Variants in TWIST2 observed in about 807,000 individuals in gnomAD.
TWIST2 encodes twist family bHLH transcription factor 2, also known as twist-related protein 2.
TWIST2 carries 1 observed loss-of-function variant against 11.6 expected under a neutral mutation model. That is an observed-to-expected ratio of 0.09 (90% CI 0.03 to 0.41). The LOEUF (loss-of-function observed/expected upper bound fraction) is 0.41. TWIST2 is among the 10% of genes least tolerant of loss of function. TWIST2 has a pLI of 0.98. For synonymous variants in TWIST2, 87 were observed against 96.6 expected, an observed-to-expected ratio of 0.90 and a Z score of 0.58; for missense variants, 168 against 226.4, an observed-to-expected ratio of 0.74 and a Z score of 1.66.
At chr2:238,850,713 T>G (rs922440478) in intron 1 of TWIST2, among the ~76,000 whole-genome samples, 1 of 152,180 alleles carries the variant, frequency 6.6e-6, no homozygotes, top group Admixed American at 6.5e-5. Flanking sequence ...GCCAAGAGCT[T>G]GTTTGGAAAA....
At chr2:238,869,117 G>T (rs748367670) in intron 1 of TWIST2, among the ~76,000 whole-genome samples, 1 of 152,188 alleles carries the variant, frequency 6.6e-6, no homozygotes, top group Non-Finnish European at 1.5e-5. Context: ...GAAAGGCATC[G>T]ACTCCTGCAA....
At chr2:238,904,507 A>C (rs986714453) in intron 1 of TWIST2, among the ~76,000 whole-genome samples, 3 of 151,316 alleles carry the variant, frequency 2.0e-5, no homozygotes, top group African/African-American at 7.3e-5. Context: ...GTCTGACTAG[A>C]GATTTCACAT....
intron 1 of TWIST2, among the ~76,000 whole-genome samples, chr2:238,871,474 TC>T (rs1692700159): frequency 3.1e-5 from 1 of 32,390 alleles, no homozygotes. Context: ...ACACACCACA[TC>T]CCTCCCACAC....
intron 1 of TWIST2, among the ~76,000 whole-genome samples, chr2:238,891,528 G>C (rs1693132562): frequency 6.6e-6 from 1 of 152,226 alleles, no homozygotes; most frequent in African/African-American, 2.4e-5. Flanking sequence ...TTCCAGTGTA[G>C]GGGGAGCTGG....
At position 238,909,863 on chromosome 2, in the gene TWIST2, G is replaced by C. The variant is rs1693424676; in HGVS notation, c.*57G>C. Reference sequence around the variant, plus strand: ...CCAGGCTGTCCGTCGCGTCGGCGGCGCAAGTGGAATTGGGATGCATTCGAG... The same window carrying C: ...CCAGGCTGTCCGTCGCGTCGGCGGCCCAAGTGGAATTGGGATGCATTCGAG... On this transcript the variant is annotated 3_prime_UTR_variant, in exon 2 of 2. Coordinates refer to ENST00000612363, the MANE Select transcript of TWIST2 (RefSeq NM_001271893.4). 1 of 152,194 alleles carries C rather than the reference G, an allele frequency of 6.6e-6. No homozygotes were observed. Among genetic ancestry groups the C allele is most frequent in the African/African-American group, 2.4e-5 (1 of 41,420 alleles). 9.4% of individuals were successfully genotyped at this position (152,194 alleles called of 1,614,324 possible).
intron 1 of TWIST2, among the ~76,000 whole-genome samples, chr2:238,893,312 TA>T (rs1693170335): frequency 2.6e-5 from 1 of 38,964 alleles, no homozygotes; most frequent in East Asian, 1.5e-3. Flanking sequence ...AAAAACGGCC[TA>T]TTTTTTTCAA....
At chr2:238,848,820 T>A in intron 1 of TWIST2, 87 bp downstream of exon 1, 4 of 1,101,264 alleles carry the variant, frequency 3.6e-6, no homozygotes, top group Non-Finnish European at 4.6e-6. Context: ...TCGTGTCTCC[T>A]CGGCGAGGCC....
chr2:238,890,626 A>C (rs1296913350), intron 1 of TWIST2, among the ~76,000 whole-genome samples: 1 of 152,274 alleles, frequency 6.6e-6, no homozygotes, highest in African/African-American at 2.4e-5. Flanking sequence ...CATTGAAAAT[A>C]AAATCAAATG....
chr2:238,875,866 A>C (rs1172061914), intron 1 of TWIST2, among the ~76,000 whole-genome samples: 2 of 152,250 alleles, frequency 1.3e-5, no homozygotes, highest in African/African-American at 4.8e-5. Context: ...GTCCCGAGTG[A>C]AAGTTTACTT....
chr2:238,864,538 C>A lies in TWIST2; in HGVS notation c.*35+15805C>A, dbSNP rs1299757219. On this transcript the variant is annotated intron_variant, in intron 1 of 1. Transcript: ENST00000612363. The surrounding 1 kb of genome is among the most constrained non-coding windows in gnomAD (Gnocchi z 4.7). ...CTCCCAGTTCCAAGGCGCGCCCCAC[C>A]CGGCCCCCAGGCCAGGTCAGCCTGG... Among the ~76,000 whole-genome samples the A allele has an allele frequency of 6.6e-6, 1 of 151,890 alleles. No homozygotes were observed. Among genetic ancestry groups the A allele is most frequent in the Non-Finnish European group, 1.5e-5 (1 of 67,942 alleles).
At chr2:238,892,214 G>A (rs1348907586) in intron 1 of TWIST2, among the ~76,000 whole-genome samples, 1 of 152,096 alleles carries the variant, frequency 6.6e-6, no homozygotes. Flanking sequence ...ACCTCACGGC[G>A]GAACGCAGAC....
At chr2:238,905,934 CGTGTGT>C (rs1201534035) in intron 1 of TWIST2, among the ~76,000 whole-genome samples, 17 of 103,256 alleles carry the variant, frequency 1.6e-4, no homozygotes, top group Admixed American at 3.4e-4. Context: ...TGCGTGTGCG[CGTGTGT>C]GTGCGCGCGC....
intron 1 of TWIST2, among the ~76,000 whole-genome samples, chr2:238,881,422 TTAG>T (rs1299923648): frequency 6.6e-6 from 1 of 151,790 alleles, no homozygotes; most frequent in Non-Finnish European, 1.5e-5. Context: ...AGTGTTAGTG[TTAG>T]TATTAGTGTC....
chr2:238,909,669 G>A (rs886492606), intron 1 of TWIST2, among the ~76,000 whole-genome samples, 173 bp from the exon 2 acceptor site: 5 of 152,086 alleles, frequency 3.3e-5, no homozygotes, highest in African/African-American at 1.2e-4. Flanking sequence ...GGCTGGCCCC[G>A]TAGCAGTCAC....
intron 1 of TWIST2, among the ~76,000 whole-genome samples, chr2:238,895,621 C>T (rs985459086): frequency 2.6e-5 from 4 of 152,178 alleles, no homozygotes; most frequent in Non-Finnish European, 4.4e-5. Context: ...AAGTTGGGAG[C>T]GGTCCCTTTG....
intron 1 of TWIST2, 92 bp downstream of exon 1, chr2:238,848,825 G>A: frequency 1.9e-6 from 2 of 1,078,184 alleles, no homozygotes; most frequent in Non-Finnish European, 2.4e-6. Flanking sequence ...TCTCCTCGGC[G>A]AGGCCCCGCG....
chr2:238,854,629 C>T (rs371544588), intron 1 of TWIST2, among the ~76,000 whole-genome samples: 2 of 152,176 alleles, frequency 1.3e-5, no homozygotes, highest in Admixed American at 6.5e-5. Flanking sequence ...AAACTTTCGT[C>T]GTTACTACTG....
intron 1 of TWIST2, among the ~76,000 whole-genome samples, chr2:238,881,120 GTATT>G (rs1216424809): frequency 2.1e-5 from 2 of 97,038 alleles, no homozygotes; most frequent in African/African-American, 8.2e-5. Context: ...GTTAGTGTTA[GTATT>G]TATTAGTATT....
intron 1 of TWIST2, among the ~76,000 whole-genome samples, chr2:238,890,015 G>A (rs1053558455): frequency 6.6e-6 from 1 of 152,192 alleles, no homozygotes; most frequent in Non-Finnish European, 1.5e-5. Context: ...CCTTCACAGA[G>A]GTGCAAATGG....
Sources: allele counts gnomAD v4.1 joint callset (sites outside exome capture counted in the v4.1 genomes callset), GRCh38; gene constraint gnomAD v4.1.1; non-coding constraint Gnocchi (gnomAD v3.1); transcripts MANE v1.5; gene names NCBI Gene and HGNC (gene_info 2026-07-23, HGNC 2026-07-21).